The following PTPRM variants were observed in gnomAD, a reference collection of about 807,000 sequenced individuals.
PTPRM encodes receptor-type tyrosine-protein phosphatase mu.
Under a neutral mutation model 186.7 loss-of-function variants are expected in PTPRM, and 47 were observed. The ratio of observed to expected loss-of-function variants is 0.25; its 90% CI spans 0.20 to 0.32. The LOEUF is 0.32. Ranked by LOEUF, PTPRM falls within the 10% of genes least tolerant of loss-of-function variation. The probability of loss-of-function intolerance (pLI) is 1.00; values close to 1 mark genes in which losing one functional copy is unlikely to be tolerated. For missense variants in PTPRM, 1,494 were observed against 1,865.0 expected (o/e 0.80, Z 3.66); for synonymous variants, 668 against 674.9 (o/e 0.99, Z 0.16).
intron 1 of PTPRM, among the ~76,000 whole-genome samples, chr18:7,763,523 T>A (rs959056331): frequency 6.6e-6 from 1 of 152,218 alleles, no homozygotes; most frequent in African/African-American, 2.4e-5. Context: ...GATCCAGGAC[T>A]CTCTGTATCT....
intron 23 of PTPRM, among the ~76,000 whole-genome samples, chr18:8,352,642 T>C (rs1320586222): frequency 8.2e-6 from 1 of 121,254 alleles, no homozygotes; most frequent in Admixed American, 8.3e-5. Flanking sequence ...CTTTTTTTTT[T>C]TTTTGGTTTG....
intron 7 of PTPRM, among the ~76,000 whole-genome samples, chr18:8,035,126 C>T (rs1170120381): frequency 2.0e-5 from 3 of 152,142 alleles, no homozygotes; most frequent in South Asian, 2.1e-4. Flanking sequence ...TCTGGATAGC[C>T]GAGAATCTTC....
At chr18:8,240,827 A>AGCG (rs1555814051) in intron 14 of PTPRM, among the ~76,000 whole-genome samples, 1 of 23,150 alleles carries the variant, frequency 4.3e-5, no homozygotes, top group Non-Finnish European at 8.4e-5. Context: ...AGAGAGAGAG[A>AGCG]AAGAAAGAAA....
At chr18:8,002,702 A>G (rs1346470271) in intron 7 of PTPRM, among the ~76,000 whole-genome samples, 1 of 152,210 alleles carries the variant, frequency 6.6e-6, no homozygotes, top group Non-Finnish European at 1.5e-5. Flanking sequence ...AGACCCAGCA[A>G]TCTTGTTTTA....
chr18:7,772,860 A>G (rs150864088), intron 1 of PTPRM, among the ~76,000 whole-genome samples: 1 of 152,316 alleles, frequency 6.6e-6, no homozygotes, highest in African/African-American at 2.4e-5. Flanking sequence ...ATCAGTGGCA[A>G]ACAATTATAA....
chr18:7,933,932 A>G (rs1004517572), intron 5 of PTPRM, among the ~76,000 whole-genome samples: 1 of 152,224 alleles, frequency 6.6e-6, no homozygotes. Context: ...AGAAGCAAAT[A>G]TGGTCAATAT....
intron 1 of PTPRM, among the ~76,000 whole-genome samples, chr18:7,652,562 A>G (rs927702070): frequency 5.9e-5 from 9 of 152,100 alleles, no homozygotes; most frequent in African/African-American, 2.2e-4. Context: ...ACCATGGAAT[A>G]CTATGCAGCC....
chr18:7,767,212 A>C (rs1185191759), intron 1 of PTPRM, among the ~76,000 whole-genome samples: 2 of 152,206 alleles, frequency 1.3e-5, no homozygotes, highest in East Asian at 3.8e-4. Context: ...CCAAAACCTT[A>C]AGAATACAAG....
At chr18:7,777,782 G>A (rs1210579673) in intron 2 of PTPRM, among the ~76,000 whole-genome samples, 2 of 152,166 alleles carry the variant, frequency 1.3e-5, no homozygotes, top group East Asian at 3.8e-4. Context: ...CTCTTGAAAA[G>A]CATCGTGATG....
intron 2 of PTPRM, among the ~76,000 whole-genome samples, chr18:7,793,368 G>A (rs1350017274): frequency 6.6e-6 from 1 of 152,192 alleles, no homozygotes; most frequent in African/African-American, 2.4e-5. Context: ...GAGAGAATGT[G>A]TACAGAGCTT....
chr18:7,686,938 T>C (rs1871909354), intron 1 of PTPRM, among the ~76,000 whole-genome samples: 1 of 152,156 alleles, frequency 6.6e-6, no homozygotes, highest in Non-Finnish European at 1.5e-5. Context: ...AGAAAGCTCC[T>C]GAAAGAAGTA....
chr18:8,063,313 G>A (rs1479795202), intron 7 of PTPRM, among the ~76,000 whole-genome samples: 6 of 148,882 alleles, frequency 4.0e-5, no homozygotes, highest in East Asian at 1.9e-4. Context: ...GCCCTGCTTC[G>A]GCTTGCGCAC....
At chr18:8,034,758 T>C (rs1173941086) in intron 7 of PTPRM, among the ~76,000 whole-genome samples, 1 of 152,226 alleles carries the variant, frequency 6.6e-6, no homozygotes, top group Non-Finnish European at 1.5e-5. Flanking sequence ...GCCAAGTGGC[T>C]CTATCAGCCT....
chr18:7,636,084 G>C (rs1161846020), intron 1 of PTPRM, among the ~76,000 whole-genome samples: 2 of 152,198 alleles, frequency 1.3e-5, no homozygotes, highest in South Asian at 4.1e-4. Context: ...GAGAGAAAGA[G>C]AGCCTTTCAA....
intron 20 of PTPRM, among the ~76,000 whole-genome samples, chr18:8,309,476 A>C (rs1168709312): frequency 2.0e-5 from 3 of 152,162 alleles, no homozygotes; most frequent in African/African-American, 7.2e-5. Context: ...GTGTGCACAC[A>C]GGAGGTGAAG....
rs73389561 is a variant in PTPRM at position 7,673,734 on chromosome 18, A to T, written c.74-100415A>T. On this transcript the variant is annotated intron_variant, in intron 1 of 32. Coordinates refer to ENST00000580170, the MANE Select transcript of PTPRM (RefSeq NM_001105244.2). ...AAGCCTTGCTTATAAAAAAAGAAAG[A>T]TGTATATGTGCTTGCAGGTCAGAAG... Among the ~76,000 whole-genome samples the T allele has an allele frequency of 3.0e-3, 459 of 152,372 alleles. 5 individuals carry two copies. The highest frequency in any genetic ancestry group is 0.011 in the African/African-American group (439 of 41,588).
chr18:8,283,228 G>A (rs2094923113), intron 19 of PTPRM, among the ~76,000 whole-genome samples: 2 of 152,344 alleles, frequency 1.3e-5, no homozygotes, highest in East Asian at 1.9e-4. Flanking sequence ...TATGTGAGGT[G>A]TAATCATTGG....
chr18:7,912,926 G>A (rs548972864), intron 4 of PTPRM, among the ~76,000 whole-genome samples: 136 of 152,194 alleles, frequency 8.9e-4, no homozygotes, highest in African/African-American at 3.2e-3. Context: ...GACTGGTTTG[G>A]GTGAGGGGTT....
chr18:8,026,449 A>G (rs569020078), intron 7 of PTPRM, among the ~76,000 whole-genome samples: 4 of 152,358 alleles, frequency 2.6e-5, no homozygotes, highest in Non-Finnish European at 5.9e-5. Flanking sequence ...CAGTATTGAG[A>G]GTCTCAAGAG....
Sources: gnomAD v4.1 joint callset for allele counts (sites outside exome capture counted in the v4.1 genomes callset) on GRCh38, gnomAD v4.1.1 for gene constraint, MANE v1.5 for transcripts, NCBI Gene and HGNC (gene_info 2026-07-23, HGNC 2026-07-21) for gene names.